Variants in EXPH5 observed in about 807,000 individuals in gnomAD.
EXPH5 encodes exophilin 5.
EXPH5 carries 42 observed loss-of-function variants against 41.1 expected under a neutral mutation model. The observed-to-expected ratio is 1.02, with a 90% CI of 0.80 to 1.32. The LOEUF (loss-of-function observed/expected upper bound fraction) is 1.32, where lower values mean the gene tolerates loss of function less well. Ranked by LOEUF, EXPH5 falls within the 40% of genes most tolerant of loss-of-function variation. The pLI is 0.00. For missense variants in EXPH5, 2,298 were observed against 2,314.5 expected (o/e 0.99, Z 0.15); for synonymous variants, 798 against 833.5 (o/e 0.96, Z 0.73).
In EXPH5 at chr11:108,519,886, G is replaced by A. The variant is rs1591679758; in HGVS notation, c.493-1513C>T. Among the ~76,000 whole-genome samples, 3 of 147,484 alleles carry A rather than the reference G, an allele frequency of 2.0e-5. No individual in the cohort carries two copies. In the East Asian group the frequency reaches 6.0e-4, roughly 30 times the overall value. ...GAATCGCTTGAACCCGGGAGGCGGA[G>A]GTTGTAGTGAGCTAAGATCGTGCCA... On this transcript the variant is annotated intron_variant, in intron 4 of 5. Coordinates refer to ENST00000265843, the MANE Select transcript of EXPH5 (RefSeq NM_015065.3).
At chr11:108,567,382 C>T (rs928389563) in intron 1 of EXPH5, among the ~76,000 whole-genome samples, 1 of 152,160 alleles carries the variant, frequency 6.6e-6, no homozygotes, top group African/African-American at 2.4e-5. Context: ...TCTCCTTTAC[C>T]TACCTCCCAC....
chr11:108,551,550 T>C (rs1242839033), intron 1 of EXPH5, among the ~76,000 whole-genome samples: 1 of 152,156 alleles, frequency 6.6e-6, no homozygotes, highest in East Asian at 1.9e-4. Context: ...CTTTTCTTAC[T>C]CCCTTGCTTC....
In EXPH5 at chr11:108,510,753, C is replaced by T. The variant is rs1458047224; in HGVS notation, c.4754G>A (p.Gly1585Glu). ...GTGTTTAACTGAAGATCTATTTTCC[C>T]CCTTTACTAGGTCATCCAAGTTGGT... ...NKTNLDDLVK[G>E]ENRSSVKHRL... Residue 1585 changes from glycine (G) to glutamate (E), a missense_variant, in exon 6 of 6, where the codon GGG becomes GAG. Gly to Glu is a moderately conservative substitution (Grantham distance 98). Transcript: ENST00000265843. The T allele has an allele frequency of 1.2e-6, 2 of 1,614,162 alleles. No individual in the cohort carries two copies. The highest frequency in any genetic ancestry group is 1.7e-5 in the Admixed American group (1 of 60,020).
the EXPH5 span, among the ~76,000 whole-genome samples, chr11:108,607,334 T>C: frequency 6.6e-6 from 1 of 152,228 alleles, no homozygotes; most frequent in Non-Finnish European, 1.5e-5. Context: ...TTATTTTTAG[T>C]GTGGGGTGAA....
intron 5 of EXPH5, among the ~76,000 whole-genome samples, chr11:108,517,948 G>A (rs758800682): frequency 7.2e-5 from 11 of 151,854 alleles, no homozygotes; most frequent in Non-Finnish European, 1.2e-4. Context: ...CAGTAGAGAT[G>A]GGGTCTCAAA....
At chr11:108,572,445 TCTC>T (rs1275443043) in intron 1 of EXPH5, among the ~76,000 whole-genome samples, 2 of 152,202 alleles carry the variant, frequency 1.3e-5, no homozygotes, top group Non-Finnish European at 2.9e-5. Context: ...CAGACAATGA[TCTC>T]CTAAGGATCC....
chr11:108,584,399 AC>A (rs1192078904), intron 1 of EXPH5, among the ~76,000 whole-genome samples: 2 of 151,970 alleles, frequency 1.3e-5, no homozygotes, highest in Non-Finnish European at 2.9e-5. Flanking sequence ...AATAGTTTGA[AC>A]CCAGGAGGTG....
intron 1 of EXPH5, among the ~76,000 whole-genome samples, chr11:108,542,256 G>A (rs1591716775): frequency 6.6e-6 from 1 of 151,840 alleles, no homozygotes; most frequent in East Asian, 1.9e-4. Flanking sequence ...TGGAGGAGCA[G>A]CATAATCTGT....
chr11:108,556,580 C>G (rs2093991130), intron 1 of EXPH5, among the ~76,000 whole-genome samples: 1 of 152,142 alleles, frequency 6.6e-6, no homozygotes, highest in East Asian at 1.9e-4. Flanking sequence ...TCAAGCGATT[C>G]TCCTGCCTCA....
At chr11:108,586,237 A>T (rs1037257076) in intron 1 of EXPH5, among the ~76,000 whole-genome samples, 4 of 151,998 alleles carry the variant, frequency 2.6e-5, no homozygotes, top group Admixed American at 6.5e-5. Context: ...GGTGTGAGCC[A>T]CCTTGCCTGG....
At chr11:108,544,405 C>T (rs1167157745) in intron 1 of EXPH5, among the ~76,000 whole-genome samples, 2 of 152,082 alleles carry the variant, frequency 1.3e-5, no homozygotes, top group Non-Finnish European at 2.9e-5. Context: ...TGGCCTCAAG[C>T]GATCCTCCCA....
rs547508660 is a variant in EXPH5 at position 108,543,537 on chromosome 11, C to A, written c.120-1725G>T. Reference sequence around the variant, plus strand: ...AGATTCTGCAGCTTGGAAAAGTATTCCGTGTGGCTCAGCAGCTGTTATCCT... The same window carrying A: ...AGATTCTGCAGCTTGGAAAAGTATTACGTGTGGCTCAGCAGCTGTTATCCT... On this transcript the variant is annotated intron_variant, in intron 1 of 5. Transcript: ENST00000265843. Among the ~76,000 whole-genome samples, 4 of 152,242 alleles carry A rather than the reference C, an allele frequency of 2.6e-5. No individual in the cohort carries two copies. The South Asian group carries it at 6.2e-4, about 24-fold the overall frequency.
rs773486709 is a variant in EXPH5, at chr11:108,514,493, T to C, written c.1014A>G (p.Thr338=). The C allele has an allele frequency of 6.2e-6, 10 of 1,612,886 alleles. No homozygotes were observed. The highest frequency in any genetic ancestry group is 8.5e-6 in the Non-Finnish European group (10 of 1,179,452). The change falls in exon 6 of 6, where the codon ACA becomes ACG. Residue 338 remains threonine, a synonymous_variant. Coordinates refer to ENST00000265843, the MANE Select transcript of EXPH5 (RefSeq NM_015065.3). ...RSALPATGHF[T]ARSLHFPATT... ...TGGCTGGAAAATGTAAGCTTCTTGC[T>C]GTGAAATGCCCTGTGGCTGGTAAGG...
rs900955478 is a variant in EXPH5, at chr11:108,512,523, G to A, written c.2984C>T (p.Pro995Leu). The A allele has an allele frequency of 1.2e-6, 2 of 1,613,336 alleles. No homozygotes were observed. Among genetic ancestry groups the A allele is most frequent in the Non-Finnish European group, 1.7e-6 (2 of 1,179,840 alleles). The part of the protein sequence containing the change: ...KLSKTESISV[P>L]TSDHRSLIEA... Reference sequence around the variant, plus strand: ...AATGAGGCTCCTGTGATCACTGGTGGGTACTGATATACTTTCTGTTTTGCT... The same window carrying A: ...AATGAGGCTCCTGTGATCACTGGTGAGTACTGATATACTTTCTGTTTTGCT... The change falls in exon 6 of 6, where the codon CCC becomes CTC. Residue 995 changes from proline to leucine, a missense_variant. Physicochemically the swap from Pro to Leu is moderately conservative, Grantham distance 98. Transcript: ENST00000265843.
Position 108,518,310 on chromosome 11 carries a change from G to C in EXPH5, c.556C>G (p.Pro186Ala). The change falls in exon 5 of 6, where the codon CCA becomes GCA. Residue 186 changes from proline (P) to alanine (A), a missense_variant. Transcript: ENST00000265843. ...HLVDSTFVPKPAVMREESGMP... is the reference protein window; with the variant it reads ...HLVDSTFVPKAAVMREESGMP... Reference sequence around the variant, plus strand: ...CCACTCTCCTCCCTCATGACTGCTGGCTTTGGGACAAATGTACTGTCAACT... The same window carrying C: ...CCACTCTCCTCCCTCATGACTGCTGCCTTTGGGACAAATGTACTGTCAACT... The C allele has an allele frequency of 6.2e-7, 1 of 1,613,854 alleles. No homozygotes were observed. The highest frequency in any genetic ancestry group is 1.7e-4 in the Middle Eastern group (1 of 6,058).
chr11:108,513,407 C>G lies in EXPH5; in HGVS notation c.2100G>C (p.Glu700Asp). The change falls in exon 6 of 6, where the codon GAG becomes GAC. Residue 700 changes from glutamate (E) to aspartate (D), a missense_variant. Coordinates refer to ENST00000265843, the MANE Select transcript of EXPH5 (RefSeq NM_015065.3). ...CTGAAATAGATTCATTTAAGTCTTT[C>G]TCATTATTTACTTCTGTGACCAAGA... is the stretch of plus-strand genomic sequence containing the variant. ...PNILVTEVNNEKDLNESISEE... is the reference protein window; with the variant it reads ...PNILVTEVNNDKDLNESISEE... 6.2e-7 allele frequency: 1 copy of G among 1,613,530 alleles called. No homozygotes were observed.
At chr11:108,598,677 G>A (rs1034318252), upstream of EXPH5, among the ~76,000 whole-genome samples, 5 of 151,958 alleles carry the variant, frequency 3.3e-5, no homozygotes, top group Admixed American at 6.6e-5. Flanking sequence ...CAGGAGAAGC[G>A]CTTTCCAAGC....
upstream of EXPH5, among the ~76,000 whole-genome samples, chr11:108,595,597 G>T (rs923408011): frequency 2.0e-5 from 3 of 152,214 alleles, no homozygotes; most frequent in African/African-American, 7.2e-5. Flanking sequence ...AGAGCATGTA[G>T]TCTCCACAGG....
At chr11:108,538,784 C>T (rs1389930403) in intron 3 of EXPH5, among the ~76,000 whole-genome samples, 2 of 152,182 alleles carry the variant, frequency 1.3e-5, no homozygotes, top group African/African-American at 4.8e-5. Context: ...ACCCATCACT[C>T]ACCAAATGCA....
Sources: allele counts gnomAD v4.1 joint callset (sites outside exome capture counted in the v4.1 genomes callset), GRCh38; gene constraint gnomAD v4.1.1; transcripts MANE v1.5; gene names NCBI Gene and HGNC (gene_info 2026-07-23, HGNC 2026-07-21).